PHF24: variants seen among roughly 807,000 people sequenced by gnomAD.
PHF24 encodes the protein PHD finger protein 24.
PHF24 carries 25 observed loss-of-function variants against 42.6 expected under a neutral mutation model. The ratio of observed to expected loss-of-function variants is 0.59; its 90% confidence interval spans 0.43 to 0.82. PHF24 has a LOEUF of 0.82. Among genes scored for constraint, PHF24 ranks in the 40% least tolerant of loss-of-function variants. PHF24 has a pLI of 0.00. For synonymous variants in PHF24, 185 were observed against 204.8 expected (o/e 0.90, Z 0.83); for missense variants, 470 against 538.1 (o/e 0.87, Z 1.25).
the PHF24 span, among the ~76,000 whole-genome samples, chr9:34,737,946 C>T: frequency 6.6e-6 from 1 of 150,758 alleles, no homozygotes; most frequent in East Asian, 1.9e-4. Flanking sequence ...GGCAATATGG[C>T]TTTTGTCTAG....
chr9:34,957,189 T>C (rs568901061), upstream of PHF24, among the ~76,000 whole-genome samples: 10 of 152,336 alleles, frequency 6.6e-5, no homozygotes, highest in African/African-American at 1.9e-4. Flanking sequence ...GTAAATTCCA[T>C]GTTAAGGGCA....
At chr9:34,899,303 C>A in the PHF24 span, among the ~76,000 whole-genome samples, 1 of 152,070 alleles carries the variant, frequency 6.6e-6, no homozygotes, top group African/African-American at 2.4e-5. Context: ...TAAGCCAGAC[C>A]CTGCTTTCAT....
chr9:34,827,179 G>A, the PHF24 span, among the ~76,000 whole-genome samples: 2 of 152,118 alleles, frequency 1.3e-5, no homozygotes, highest in African/African-American at 4.8e-5. Context: ...CTAACCCCTG[G>A]CTCCCTACCT....
At chr9:34,736,500 T>A in the PHF24 span, among the ~76,000 whole-genome samples, 10 of 151,786 alleles carry the variant, frequency 6.6e-5, no homozygotes, top group South Asian at 1.5e-3. Flanking sequence ...GAGATAGGGG[T>A]CTCCCTATGT....
the PHF24 span, chr9:34,665,872 C>T: frequency 1.7e-6 from 1 of 592,674 alleles, no homozygotes; most frequent in African/African-American, 1.9e-5. Flanking sequence ...GGAGGCCGGT[C>T]ATCTCCGGGG....
the PHF24 span, among the ~76,000 whole-genome samples, chr9:34,667,912 G>A: frequency 6.6e-6 from 1 of 152,190 alleles, no homozygotes; most frequent in Non-Finnish European, 1.5e-5. Context: ...ATTGGGCAAG[G>A]AGAAGTGAAG....
the PHF24 span, among the ~76,000 whole-genome samples, chr9:34,876,606 A>G: frequency 1.8e-4 from 28 of 152,242 alleles, no homozygotes; most frequent in African/African-American, 6.8e-4. Context: ...ATTACTCATT[A>G]GAGAAATGCA....
the PHF24 span, among the ~76,000 whole-genome samples, chr9:34,885,377 C>G: frequency 1.3e-5 from 2 of 152,214 alleles, no homozygotes; most frequent in African/African-American, 4.8e-5. Context: ...CCTGCCACCT[C>G]CTCCTTCTGA....
the PHF24 span, among the ~76,000 whole-genome samples, chr9:34,910,458 C>T: frequency 2.0e-5 from 3 of 152,114 alleles, no homozygotes; most frequent in East Asian, 1.9e-4. Flanking sequence ...TAAGTGTTCT[C>T]GCTACATACA....
At chr9:34,905,382 T>C in the PHF24 span, among the ~76,000 whole-genome samples, 1 of 152,256 alleles carries the variant, frequency 6.6e-6, no homozygotes, top group Non-Finnish European at 1.5e-5. Context: ...GTGGTGTTCA[T>C]TAAAACCTAT....
chr9:34,931,107 G>A, the PHF24 span, among the ~76,000 whole-genome samples: 1 of 152,164 alleles, frequency 6.6e-6, no homozygotes, highest in Admixed American at 6.5e-5. Flanking sequence ...GCCGAGCGCG[G>A]TGGCTCACGC....
chr9:34,701,060 CA>C, the PHF24 span, among the ~76,000 whole-genome samples: 1 of 152,168 alleles, frequency 6.6e-6, no homozygotes, highest in Non-Finnish European at 1.5e-5. The surrounding 1 kb of genome is among the most constrained non-coding windows in gnomAD (Gnocchi z 5.8). Flanking sequence ...GTCGTTTATA[CA>C]GGGTTCTTGG....
the PHF24 span, chr9:34,917,485 G>A: frequency 1.3e-6 from 1 of 771,210 alleles, no homozygotes; most frequent in Non-Finnish European, 2.4e-6. Context: ...AAGTTTTCAA[G>A]TACAATCGAA....
chr9:34,901,258 T>G, the PHF24 span, among the ~76,000 whole-genome samples: 1 of 152,236 alleles, frequency 6.6e-6, no homozygotes, highest in Non-Finnish European at 1.5e-5. Context: ...AAGCCAGGAT[T>G]GCCTTGATAC....
At chr9:34,679,255 G>A in the PHF24 span, among the ~76,000 whole-genome samples, 1 of 152,226 alleles carries the variant, frequency 6.6e-6, no homozygotes, top group Non-Finnish European at 1.5e-5. Context: ...TTACCATGCA[G>A]TATGAAGCCC....
chr9:34,695,687 A>G, the PHF24 span, among the ~76,000 whole-genome samples: 1 of 152,196 alleles, frequency 6.6e-6, no homozygotes, highest in Non-Finnish European at 1.5e-5. Flanking sequence ...TCTGGTGTCC[A>G]CTGAGGAACT....
chr9:34,780,256 T>C, the PHF24 span, among the ~76,000 whole-genome samples: 1 of 151,690 alleles, frequency 6.6e-6, no homozygotes, highest in Non-Finnish European at 1.5e-5. Flanking sequence ...GATTTGGCAA[T>C]GTTTTCTTTT....
chr9:34,690,151 G>A, the PHF24 span: 9 of 1,600,826 alleles, frequency 5.6e-6, no homozygotes, highest in Middle Eastern at 1.7e-4. Flanking sequence ...ATAAGAAGGT[G>A]GGAGTCTCAA....
At chr9:34,856,959 T>C in the PHF24 span, among the ~76,000 whole-genome samples, 10 of 151,872 alleles carry the variant, frequency 6.6e-5, no homozygotes, top group Admixed American at 2.6e-4. Flanking sequence ...CTGGCTGGAG[T>C]TGCTAAAATT....
Sources: allele counts gnomAD v4.1 joint callset (sites outside exome capture counted in the v4.1 genomes callset), GRCh38; gene constraint gnomAD v4.1.1; non-coding constraint Gnocchi (gnomAD v3.1); transcripts MANE v1.5; gene names NCBI Gene and HGNC (gene_info 2026-07-23, HGNC 2026-07-21).